Variants in PPARGC1A observed in about 807,000 individuals in gnomAD.
PPARGC1A encodes PPARG coactivator 1 alpha.
In PPARGC1A, 25 loss-of-function variants were observed where a neutral mutation model predicts 88.7. The observed-to-expected ratio is 0.28, with a 90% CI of 0.21 to 0.39. PPARGC1A has a LOEUF of 0.39. Ranked by LOEUF, PPARGC1A falls within the 10% of genes least tolerant of loss-of-function variation. The probability of loss-of-function intolerance (pLI) is 1.00; values close to 1 mark genes in which losing one functional copy is unlikely to be tolerated. For missense variants in PPARGC1A, 880 were observed against 968.7 expected, an observed-to-expected ratio of 0.91 and a Z score of 1.22; for synonymous variants, 363 against 355.6, an observed-to-expected ratio of 1.02 and a Z score of -0.24.
At chr4:24,051,547 G>T in the PPARGC1A span, among the ~76,000 whole-genome samples, 53 of 152,276 alleles carry the variant, frequency 3.5e-4, 3 homozygotes, top group South Asian at 0.011. Context: ...AGCTTAAAAA[G>T]ATTAAGGCAC....
the PPARGC1A span, among the ~76,000 whole-genome samples, chr4:24,042,763 A>T: frequency 6.6e-6 from 1 of 152,328 alleles, no homozygotes; most frequent in East Asian, 1.9e-4. Context: ...ATATAAATGC[A>T]TATGTGCCCT....
At chr4:23,841,333 TG>T (rs1727018082) in intron 2 of PPARGC1A, among the ~76,000 whole-genome samples, 1 of 152,150 alleles carries the variant, frequency 6.6e-6, no homozygotes, top group Non-Finnish European at 1.5e-5. Context: ...ATCTTCAAGC[TG>T]GGAATATATA....
chr4:23,854,046 G>A (rs1259219279), intron 2 of PPARGC1A, among the ~76,000 whole-genome samples: 1 of 152,136 alleles, frequency 6.6e-6, no homozygotes, highest in Non-Finnish European at 1.5e-5. Flanking sequence ...CTGGCACATA[G>A]AAACCCTCAA....
chr4:23,897,991 GAGA>G (rs1407963690), intron 1 of PPARGC1A, among the ~76,000 whole-genome samples: 1 of 152,232 alleles, frequency 6.6e-6, no homozygotes, highest in African/African-American at 2.4e-5. Context: ...CACCCAGAGA[GAGA>G]AGATTTAGAA....
At chr4:23,988,143 T>A in the PPARGC1A span, among the ~76,000 whole-genome samples, 1 of 152,112 alleles carries the variant, frequency 6.6e-6, no homozygotes, top group African/African-American at 2.4e-5. Context: ...TGCATAGTGT[T>A]CCATGGTGTA....
At chr4:24,371,711 C>T in the PPARGC1A span, among the ~76,000 whole-genome samples, 7 of 150,242 alleles carry the variant, frequency 4.7e-5, no homozygotes, top group East Asian at 2.0e-4. Context: ...GAGGCCGAGG[C>T]GGGAGGATCA....
At chr4:24,468,559 G>A in the PPARGC1A span, among the ~76,000 whole-genome samples, 7 of 152,136 alleles carry the variant, frequency 4.6e-5, no homozygotes, top group East Asian at 1.9e-4. Flanking sequence ...ATGTAGTTTC[G>A]GCTCTAATAC....
At chr4:24,261,683 T>C in the PPARGC1A span, among the ~76,000 whole-genome samples, 1 of 152,202 alleles carries the variant, frequency 6.6e-6, no homozygotes, top group Non-Finnish European at 1.5e-5. Flanking sequence ...CTTTTGTGAA[T>C]TGTAATATAT....
chr4:24,415,257 G>A, the PPARGC1A span, among the ~76,000 whole-genome samples: 1 of 151,948 alleles, frequency 6.6e-6, no homozygotes, highest in Non-Finnish European at 1.5e-5. Flanking sequence ...CAGAGAAGAG[G>A]AGCTGGGGTC....
chr4:23,932,880 C>T, the PPARGC1A span, among the ~76,000 whole-genome samples: 1 of 152,128 alleles, frequency 6.6e-6, no homozygotes, highest in Non-Finnish European at 1.5e-5. Context: ...GAGAAGGCCA[C>T]CAACACATGG....
the PPARGC1A span, among the ~76,000 whole-genome samples, chr4:23,912,053 G>T: frequency 6.6e-6 from 1 of 152,190 alleles, no homozygotes; most frequent in East Asian, 1.9e-4. Context: ...AGTCTGTAAA[G>T]ATATCCAATA....
At chr4:24,062,932 T>C in the PPARGC1A span, among the ~76,000 whole-genome samples, 2 of 152,238 alleles carry the variant, frequency 1.3e-5, no homozygotes, top group Admixed American at 6.5e-5. Flanking sequence ...TTATTCCTCC[T>C]GAATAATTTC....
the PPARGC1A span, among the ~76,000 whole-genome samples, chr4:24,006,461 T>C: frequency 2.0e-5 from 3 of 152,250 alleles, no homozygotes; most frequent in African/African-American, 7.2e-5. Context: ...GCAATGACTT[T>C]GCAATTTATG....
the PPARGC1A span, among the ~76,000 whole-genome samples, chr4:23,973,187 A>C: frequency 6.6e-6 from 1 of 151,392 alleles, no homozygotes; most frequent in African/African-American, 2.4e-5. Context: ...AAGAAGAAGG[A>C]AGAAAAAATT....
the PPARGC1A span, among the ~76,000 whole-genome samples, chr4:24,202,125 G>A: frequency 1.4e-3 from 217 of 151,950 alleles, 2 homozygotes; most frequent in African/African-American, 4.2e-3. Flanking sequence ...TGATCCACCC[G>A]CCTCAGCCTT....
At chr4:24,419,812 A>T in the PPARGC1A span, among the ~76,000 whole-genome samples, 1 of 152,158 alleles carries the variant, frequency 6.6e-6, no homozygotes, top group Non-Finnish European at 1.5e-5. Context: ...CAGAAGAGAC[A>T]AAAGAGGATA....
chr4:24,379,765 C>T, the PPARGC1A span, among the ~76,000 whole-genome samples: 1 of 148,584 alleles, frequency 6.7e-6, no homozygotes, highest in East Asian at 2.0e-4. Context: ...TTTCTTTGAA[C>T]TTTATTATTT....
intron 11 of PPARGC1A, 57 bp from the exon 12 acceptor site, chr4:23,801,938 G>A: frequency 1.9e-6 from 3 of 1,591,832 alleles, no homozygotes; most frequent in South Asian, 1.1e-5. Flanking sequence ...ATATGGGACT[G>A]TAACCCTTTC....
At chr4:24,268,141 A>G in the PPARGC1A span, among the ~76,000 whole-genome samples, 1 of 152,228 alleles carries the variant, frequency 6.6e-6, no homozygotes, top group Non-Finnish European at 1.5e-5. Context: ...CATGTCATGG[A>G]TCTTACATTT....
Sources: allele counts gnomAD v4.1 joint callset (sites outside exome capture counted in the v4.1 genomes callset), GRCh38; gene constraint gnomAD v4.1.1; transcripts MANE v1.5; gene names NCBI Gene and HGNC (gene_info 2026-07-23, HGNC 2026-07-21).